The following CELF2 variants were observed in gnomAD, a reference collection of about 807,000 sequenced individuals.
CELF2 encodes the protein CUGBP Elav-like family member 2, also known as CUG triplet repeat RNA-binding protein 2.
A neutral mutation model predicts 62.6 loss-of-function variants in CELF2; 8 were observed. That is an observed-to-expected ratio of 0.13 (90% CI 0.07 to 0.23). The LOEUF is 0.23. Ranked by LOEUF, CELF2 falls within the 10% of genes least tolerant of loss-of-function variation. The pLI is 1.00. For missense variants in CELF2, 333 were observed against 671.0 expected, an observed-to-expected ratio of 0.50 and a Z score of 5.56; for synonymous variants, 258 against 250.0, an observed-to-expected ratio of 1.03 and a Z score of -0.30.
chr10:11,161,650 A>G (rs1269962400), intron 1 of CELF2, among the ~76,000 whole-genome samples: 1 of 152,234 alleles, frequency 6.6e-6, no homozygotes, highest in South Asian at 2.1e-4. Context: ...TAGCTCCTCA[A>G]TAAATATTAT....
the CELF2 span, among the ~76,000 whole-genome samples, chr10:10,725,138 T>A: frequency 1.3e-5 from 2 of 152,240 alleles, no homozygotes; most frequent in Non-Finnish European, 2.9e-5. Context: ...CAACTCTAAT[T>A]TCCCTAAGGG....
intron 2 of CELF2, among the ~76,000 whole-genome samples, chr10:10,996,767 T>A (rs902634289): frequency 1.3e-5 from 2 of 151,868 alleles, no homozygotes; most frequent in Non-Finnish European, 2.9e-5. Context: ...CAGATCCCAT[T>A]TTTTTTTGTT....
At chr10:11,175,983 G>A (rs868852666) in intron 2 of CELF2, among the ~76,000 whole-genome samples, 3 of 152,180 alleles carry the variant, frequency 2.0e-5, no homozygotes, top group African/African-American at 4.8e-5. Context: ...AGCCATGTCC[G>A]TTGCACACAT....
chr10:11,092,645 T>G (rs2048643496), intron 1 of CELF2, among the ~76,000 whole-genome samples: 1 of 152,228 alleles, frequency 6.6e-6, no homozygotes, highest in African/African-American at 2.4e-5. Context: ...TTGTTCAAAT[T>G]CTTCTCTGTA....
At chr10:10,837,681 A>C (rs1236033316) in intron 1 of CELF2, among the ~76,000 whole-genome samples, 1 of 152,142 alleles carries the variant, frequency 6.6e-6, no homozygotes, top group African/African-American at 2.4e-5. Context: ...TTCCCCACTC[A>C]ATTATTCCAA....
At chr10:10,529,917 A>C in the CELF2 span, among the ~76,000 whole-genome samples, 1 of 152,244 alleles carries the variant, frequency 6.6e-6, no homozygotes, top group East Asian at 1.9e-4. Flanking sequence ...GAATTTAAGA[A>C]CGTTCCTTTG....
Position 11,301,054 on chromosome 10 carries a change from G to T in CELF2, c.976+12502G>T, listed in dbSNP as rs538977612. 4.6e-5 allele frequency among the ~76,000 whole-genome samples: 7 copies of T among 152,284 alleles called. No homozygotes were observed. The South Asian group carries it at 1.5e-3, about 32-fold the overall frequency. ...GCATTTGTTCCTAGAAAGCAAGCCAGTTTCTGGGACAGACTTAACGCTAGA... is the reference window on the plus strand; with the variant it reads ...GCATTTGTTCCTAGAAAGCAAGCCATTTTCTGGGACAGACTTAACGCTAGA... On this transcript the variant is annotated intron_variant, in intron 9 of 12. Transcript: ENST00000633077.
rs991218035 is a variant in CELF2 at position 10,972,757 on chromosome 10, C to A, written c.89+52758C>A. On this transcript the variant is annotated intron_variant, in intron 2 of 13. Transcript: ENST00000636488. This position sits in a 1 kb window ranked among gnomAD's most constrained non-coding sequence, Gnocchi z 4.4. ...ACTCACAAGGTCACGTCCACTCACA[C>A]CCTTCCTTTTTGATCTGTTCCTATT... Among the ~76,000 whole-genome samples, 31 of 152,196 alleles carry A rather than the reference C, an allele frequency of 2.0e-4. No homozygotes were observed. Among genetic ancestry groups the A allele is most frequent in the African/African-American group, 6.8e-4 (28 of 41,456 alleles).
the CELF2 span, among the ~76,000 whole-genome samples, chr10:10,533,418 G>A: frequency 6.6e-6 from 1 of 152,088 alleles, no homozygotes; most frequent in Non-Finnish European, 1.5e-5. Flanking sequence ...TGGAGACATA[G>A]GAAGGTACAC....
chr10:10,904,825 A>C (rs1411706156), intron 1 of CELF2, among the ~76,000 whole-genome samples: 1 of 152,170 alleles, frequency 6.6e-6, no homozygotes, highest in African/African-American at 2.4e-5. Context: ...GCATATATAC[A>C]CCTTTGTCAT....
chr10:11,201,254 T>G (rs1272340252), intron 2 of CELF2, among the ~76,000 whole-genome samples: 2 of 152,206 alleles, frequency 1.3e-5, no homozygotes, highest in Non-Finnish European at 2.9e-5. Context: ...CTGTAGGTAT[T>G]AGGATAGGTT....
chr10:11,206,351 A>T (rs553705135), intron 2 of CELF2, among the ~76,000 whole-genome samples: 1 of 152,348 alleles, frequency 6.6e-6, no homozygotes, highest in South Asian at 2.1e-4. Context: ...CTAGCCTCCT[A>T]ATTATAATGC....
the CELF2 span, among the ~76,000 whole-genome samples, chr10:10,614,995 C>T: frequency 6.6e-6 from 1 of 152,022 alleles, no homozygotes; most frequent in Non-Finnish European, 1.5e-5. Context: ...ATGATGGTAT[C>T]CATGGGCTTA....
the CELF2 span, among the ~76,000 whole-genome samples, chr10:10,699,684 G>A: frequency 6.6e-6 from 1 of 152,206 alleles, no homozygotes; most frequent in African/African-American, 2.4e-5. Context: ...TTGAGGAACT[G>A]AAAGAAGACT....
At chr10:10,480,076 C>T in the CELF2 span, among the ~76,000 whole-genome samples, 5 of 152,202 alleles carry the variant, frequency 3.3e-5, no homozygotes, top group East Asian at 7.7e-4. Flanking sequence ...CTGACTTCAG[C>T]GGGTCTTCGG....
chr10:11,021,082 T>G (rs1381386819), intron 1 of CELF2, among the ~76,000 whole-genome samples: 11 of 152,222 alleles, frequency 7.2e-5, no homozygotes, highest in Non-Finnish European at 1.5e-4. Flanking sequence ...GTGGAGAGTG[T>G]TTCCTCCTTT....
rs2096122259 is a variant in CELF2, at chr10:11,336,647, T to C, written c.*7594T>C. On this transcript the variant is annotated 3_prime_UTR_variant, in exon 13 of 13. Transcript: ENST00000633077. This position sits in a 1 kb window ranked among gnomAD's most constrained non-coding sequence, Gnocchi z 5.4. ...TTATATCACTGGCTTTATGACTTAA[T>C]ATTCAATAAATTGACTTTGGAAACA... The C allele has an allele frequency of 6.6e-6, 1 of 152,660 alleles. No individual in the cohort carries two copies. Among genetic ancestry groups the C allele is most frequent in the African/African-American group, 2.4e-5 (1 of 41,456 alleles). 9.5% of individuals were successfully genotyped at this position (152,660 alleles called of 1,614,324 possible).
At chr10:11,150,926 G>C (rs566384581) in intron 1 of CELF2, among the ~76,000 whole-genome samples, 66 of 152,300 alleles carry the variant, frequency 4.3e-4, no homozygotes, top group Admixed American at 2.7e-3. Context: ...TATTTCAGTA[G>C]TATAAAAATA....
chr10:11,100,678 A>G (rs889365951), intron 1 of CELF2, among the ~76,000 whole-genome samples: 1 of 152,180 alleles, frequency 6.6e-6, no homozygotes, highest in African/African-American at 2.4e-5. Flanking sequence ...AATAATGTGC[A>G]GGGTTTTTCC....
Sources: allele counts gnomAD v4.1 joint callset (sites outside exome capture counted in the v4.1 genomes callset), GRCh38; gene constraint gnomAD v4.1.1; non-coding constraint Gnocchi (gnomAD v3.1); transcripts MANE v1.5; gene names NCBI Gene and HGNC (gene_info 2026-07-23, HGNC 2026-07-21).